UROC1: variants seen among roughly 807,000 people sequenced by gnomAD.
UROC1 encodes urocanate hydratase 1, also known as urocanate hydratase.
Under a neutral mutation model 89.5 loss-of-function variants are expected in UROC1, and 79 were observed. The observed-to-expected ratio is 0.88, with a 90% CI of 0.74 to 1.06. UROC1 has a LOEUF of 1.06. Among genes scored for constraint, UROC1 ranks in the 50% least tolerant of loss-of-function variants. The pLI is 0.00. For missense variants in UROC1, 885 were observed against 907.8 expected, an observed-to-expected ratio of 0.97 and a Z score of 0.32; for synonymous variants, 361 against 354.8, an observed-to-expected ratio of 1.02 and a Z score of -0.20.
Position 126,509,632 on chromosome 3 carries a change from C to A in UROC1, c.304G>T (p.Ala102Ser). 6.4e-7 allele frequency: 1 copy of A among 1,552,132 alleles called. No individual in the cohort carries two copies. The highest frequency in any genetic ancestry group is 8.7e-7 in the Non-Finnish European group (1 of 1,147,212). ...TTGTTCATAATCATGTGCATGATGG[C>A]GGCAGCCACTTTCGTCTGGCAGGGG... ...QYPCQTKVAA[A>S]IMHMIMNNLD... Residue 102 changes from alanine (A) to serine (S), a missense_variant, in exon 3 of 20, where the codon GCC (alanine) becomes TCC (serine). By Grantham distance (99) the Ala-to-Ser change is moderately conservative (BLOSUM62 1). Transcript: ENST00000290868.
In UROC1 at chr3:126,490,578, G is replaced by A. The variant is rs139311606; in HGVS notation, c.1609-1203C>T. Among the ~76,000 whole-genome samples the A allele has an allele frequency of 6.3e-3, 956 of 152,184 alleles. 9 individuals are homozygous for A. The highest frequency in any genetic ancestry group is 8.0e-3 in the Non-Finnish European group (545 of 68,006). On this transcript the variant is annotated intron_variant, in intron 16 of 19. Transcript: ENST00000290868. ...TGCACGCCTGTAATCACAGCTCGTC[G>A]GGGAGCTGAGGCATGAGAATCGCTT... is the stretch of plus-strand genomic sequence containing the variant.
Position 126,499,376 on chromosome 3 carries a change from G to C in UROC1, c.1277C>G (p.Thr426Arg), listed in dbSNP as rs779922986. The C allele has an allele frequency of 6.2e-7, 1 of 1,612,698 alleles. No homozygotes were observed. The highest frequency in any genetic ancestry group is 8.5e-7 in the Non-Finnish European group (1 of 1,179,778). ...ADVEKKGAGRTEFRYPSYVQH... is the reference protein window; with the variant it reads ...ADVEKKGAGRREFRYPSYVQH... ...CACATAGGAAGGGTAGCGGAACTCT[G>C]TCCTGCCAGCACCTTTCTTCTCCAC... is the stretch of plus-strand genomic sequence containing the variant. Residue 426 changes from threonine (T) to arginine (R), a missense_variant, in exon 13 of 20, where the codon ACA (threonine) becomes AGA (arginine). Physicochemically the swap from Thr to Arg is moderately conservative, Grantham distance 71. Coordinates refer to ENST00000290868, the MANE Select transcript of UROC1 (RefSeq NM_144639.3).
rs879460672 is a variant in UROC1 at position 126,498,065 on chromosome 3, G to A, written c.1424C>T (p.Ala475Val). The change falls in exon 14 of 20, where the codon GCC becomes GTC. Residue 475 changes from alanine to valine, a missense_variant. Coordinates refer to ENST00000290868, the MANE Select transcript of UROC1 (RefSeq NM_144639.3). ...AATGGCGTCACCTCCATCAGCAATG[G>A]CTTCCTCCAGCACAGATGTGGCCAG... ...DELATSVLEEAIADGVKVSVK... is the reference protein window; with the variant it reads ...DELATSVLEEVIADGVKVSVK... The A allele has an allele frequency of 6.2e-7, 1 of 1,614,106 alleles. No individual in the cohort carries two copies. Among genetic ancestry groups the A allele is most frequent in the Non-Finnish European group, 8.5e-7 (1 of 1,180,018 alleles).
intron 16 of UROC1, 34 bp from the exon 17 acceptor site, chr3:126,489,409 A>C (rs746412707): frequency 3.2e-6 from 5 of 1,556,466 alleles, no homozygotes; most frequent in Non-Finnish European, 3.5e-6. Context: ...GTCAGCCAAC[A>C]GTGTCCACCA....
intron 18 of UROC1, 45 bp downstream of exon 18, chr3:126,488,153 A>C: frequency 1.9e-6 from 3 of 1,611,214 alleles, no homozygotes; most frequent in Non-Finnish European, 2.5e-6. Flanking sequence ...GGAACCCCCA[A>C]AACTTCCACA....
chr3:126,489,053 A>G (rs1935583563), intron 17 of UROC1, among the ~76,000 whole-genome samples: 1 of 152,130 alleles, frequency 6.6e-6, no homozygotes, highest in South Asian at 2.1e-4. Flanking sequence ...CCTGTAGGTC[A>G]CCCAAGTCCA....
At chr3:126,498,983 G>C (rs1935846382) in intron 13 of UROC1, among the ~76,000 whole-genome samples, 1 of 152,108 alleles carries the variant, frequency 6.6e-6, no homozygotes, top group Non-Finnish European at 1.5e-5. Flanking sequence ...CACAGCAGGT[G>C]CTGGGCTTCA....
intron 11 of UROC1, among the ~76,000 whole-genome samples, chr3:126,500,425 C>G (rs1314383647): frequency 6.6e-6 from 1 of 152,188 alleles, no homozygotes; most frequent in Non-Finnish European, 1.5e-5. Flanking sequence ...AAACAGATGC[C>G]CCAGAGAGGT....
intron 15 of UROC1, among the ~76,000 whole-genome samples, chr3:126,494,619 G>A (rs1435824858): frequency 6.6e-6 from 1 of 152,190 alleles, no homozygotes; most frequent in Non-Finnish European, 1.5e-5. Context: ...ATGGCCAAAG[G>A]TGTATGAACC....
chr3:126,508,823 C>T (rs1456545501), intron 3 of UROC1, among the ~76,000 whole-genome samples: 1 of 152,076 alleles, frequency 6.6e-6, no homozygotes, highest in East Asian at 1.9e-4. Flanking sequence ...ACATATCACC[C>T]CCAAGGAATG....
intron 5 of UROC1, 39 bp from the exon 6 acceptor site, chr3:126,507,842 C>T (rs1463728915): frequency 6.2e-7 from 1 of 1,613,686 alleles, no homozygotes; most frequent in Non-Finnish European, 8.5e-7. Flanking sequence ...GGGCTGAGGG[C>T]TTGGAGGGCG....
Position 126,505,950 on chromosome 3 carries a change from T to C in UROC1, c.664A>G (p.Thr222Ala). ...GGCGTGGCCCCATCTCTCACCACAG[T>C]GCCATGAACGATTCCCTGGGGACCG... ...YIGPQGIVHG[T>A]VLTVLNAARR... The change falls in exon 7 of 20, where the codon ACT becomes GCT. Residue 222 changes from threonine (T) to alanine (A), a missense_variant. Thr to Ala is a moderately conservative substitution (Grantham distance 58, BLOSUM62 0). Transcript: ENST00000290868. 5 of 1,611,630 alleles carry C rather than the reference T, an allele frequency of 3.1e-6. No homozygotes were observed. The highest frequency in any genetic ancestry group is 4.2e-6 in the Non-Finnish European group (5 of 1,179,572).
intron 2 of UROC1, among the ~76,000 whole-genome samples, chr3:126,509,956 C>T (rs1330502745): frequency 6.6e-6 from 1 of 152,382 alleles, no homozygotes; most frequent in Non-Finnish European, 1.5e-5. Context: ...GAAGCCTCTC[C>T]GTCTGGGTAA....
intron 14 of UROC1, 135 bp from the exon 15 acceptor site, chr3:126,496,243 C>T: frequency 1.3e-6 from 1 of 783,014 alleles, no homozygotes; most frequent in Non-Finnish European, 2.2e-6. Context: ...GGAGCCCACC[C>T]CACCCCACCC....
rs558496541 is a variant in UROC1, at chr3:126,499,527, A to G, written c.1244-118T>C. 1.2e-3 allele frequency: 1,229 copies of G among 1,038,130 alleles called. 10 individuals are homozygous for G. Among genetic ancestry groups the G allele is most frequent in the Non-Finnish European group, 5.4e-4 (365 of 680,536 alleles). 64.3% of individuals were successfully genotyped at this position (1,038,130 alleles called of 1,614,324 possible). On this transcript the variant is annotated intron_variant, in intron 12 of 19. Coordinates refer to ENST00000290868, the MANE Select transcript of UROC1 (RefSeq NM_144639.3). The stretch of plus-strand genomic sequence containing the variant: ...GGGAAGGATGCACAAGGTCTTTTTC[A>G]TGTAAAAGAAGAGAAAAGCAGGGGC...
At chr3:126,493,556 T>C (rs979152561) in intron 15 of UROC1, among the ~76,000 whole-genome samples, 1 of 151,978 alleles carries the variant, frequency 6.6e-6, no homozygotes, top group Non-Finnish European at 1.5e-5. Context: ...TTATATGAGG[T>C]TGTTGAGTGC....
At chr3:126,497,769 C>G (rs1935814906) in intron 14 of UROC1, among the ~76,000 whole-genome samples, 1 of 151,256 alleles carries the variant, frequency 6.6e-6, no homozygotes, top group South Asian at 2.1e-4. Context: ...TCCTCACTGG[C>G]AGAGCCCAGG....
intron 15 of UROC1, 98 bp downstream of exon 15, chr3:126,495,940 G>T: frequency 1.7e-6 from 2 of 1,201,718 alleles, no homozygotes; most frequent in Non-Finnish European, 1.2e-6. Context: ...CAAGCTGGAG[G>T]CTGTGGACCA....
At chr3:126,502,884 G>T (rs1431705120) in intron 9 of UROC1, among the ~76,000 whole-genome samples, 1 of 151,698 alleles carries the variant, frequency 6.6e-6, no homozygotes, top group Admixed American at 6.6e-5. Context: ...GCAAGCTTGT[G>T]TGCATGTGTG....
Sources: allele counts gnomAD v4.1 joint callset (sites outside exome capture counted in the v4.1 genomes callset), GRCh38; gene constraint gnomAD v4.1.1; transcripts MANE v1.5; gene names NCBI Gene and HGNC (gene_info 2026-07-23, HGNC 2026-07-21).